Variants in LRRC37B observed in about 807,000 individuals in gnomAD.
LRRC37B encodes leucine rich repeat containing 37B, also known as leucine-rich repeat-containing protein 37B.
In LRRC37B, 28 loss-of-function variants were observed where a neutral mutation model predicts 98.3. The ratio of observed to expected loss-of-function variants is 0.28; its 90% CI spans 0.21 to 0.39. The LOEUF is 0.39. LRRC37B is among the 10% of genes least tolerant of loss of function. The probability of loss-of-function intolerance (pLI) is 1.00; values close to 1 mark genes in which losing one functional copy is unlikely to be tolerated. For synonymous variants in LRRC37B, 364 were observed against 442.7 expected (o/e 0.82, Z 2.23); for missense variants, 938 against 1,182.7 (o/e 0.79, Z 3.03).
At position 32,011,231 on chromosome 17, in the gene LRRC37B, G is replaced by A. The variant is rs553838694; in HGVS notation, c.-191+3099G>A. On this transcript the variant is annotated intron_variant, in intron 1 of 14. Coordinates refer to the LRRC37B transcript ENST00000543378. ...AGTCAGTTCTCGAACCCCTGACCTC[G>A]TGATCCGCCTGCCTCAGCCTCCCAA... is the stretch of plus-strand genomic sequence containing the variant. Among the ~76,000 whole-genome samples the A allele has an allele frequency of 2.6e-5, 4 of 152,180 alleles. No homozygotes were observed. In the South Asian group the frequency reaches 6.2e-4, roughly 24 times the overall value.
intron 7 of LRRC37B, chr17:32,040,265 C>T (rs1005207362): frequency 2.7e-5 from 7 of 259,512 alleles, no homozygotes; most frequent in South Asian, 1.5e-4. Context: ...AACAATCCTG[C>T]GAACAGATCT....
chr17:32,039,790 G>A (rs1001798419), intron 7 of LRRC37B, among the ~76,000 whole-genome samples: 4 of 151,114 alleles, frequency 2.6e-5, no homozygotes, highest in African/African-American at 4.9e-5. Flanking sequence ...ACTCTGCTCC[G>A]TTCATTTTTG....
At chr17:32,009,568 T>G (rs546049970) in intron 1 of LRRC37B, among the ~76,000 whole-genome samples, 2 of 152,240 alleles carry the variant, frequency 1.3e-5, no homozygotes, top group South Asian at 2.1e-4. Flanking sequence ...CCGCCATGCC[T>G]GGCCAAGATA....
At chr17:32,026,346 C>T (rs1019142750) in intron 2 of LRRC37B, among the ~76,000 whole-genome samples, 1 of 152,206 alleles carries the variant, frequency 6.6e-6, no homozygotes, top group Non-Finnish European at 1.5e-5. Context: ...GAAACCCCAT[C>T]TCTACTGAAA....
At chr17:32,033,648 C>A (rs1911168132) in intron 5 of LRRC37B, among the ~76,000 whole-genome samples, 1 of 152,056 alleles carries the variant, frequency 6.6e-6, no homozygotes, top group African/African-American at 2.4e-5. Context: ...TACGTAGCAG[C>A]CTAATAGATG....
At chr17:32,019,364 C>T (rs1226848789), upstream of LRRC37B, among the ~76,000 whole-genome samples, 5 of 152,128 alleles carry the variant, frequency 3.3e-5, no homozygotes, top group East Asian at 1.9e-4. Flanking sequence ...TAGGCTATAC[C>T]GCATAGCCTA....
chr17:32,008,572 A>G (rs1468254166), intron 1 of LRRC37B, among the ~76,000 whole-genome samples: 4 of 152,206 alleles, frequency 2.6e-5, no homozygotes, highest in African/African-American at 4.8e-5. Flanking sequence ...TTTTCATTAT[A>G]TATCTGTTCC....
chr17:32,042,800 G>A (rs548920798), intron 7 of LRRC37B: 7 of 139,162 alleles, frequency 5.0e-5, no homozygotes, highest in East Asian at 2.1e-4. Flanking sequence ...ATGTATGCCC[G>A]AATTTTGTAA....
chr17:32,022,897 T>A (rs1160135019), intron 1 of LRRC37B, 72 bp downstream of exon 4: 157 of 1,472,414 alleles, frequency 1.1e-4, no homozygotes, highest in Admixed American at 2.2e-4. Flanking sequence ...GAGGCCTTCC[T>A]GGGCCTTCTT....
chr17:32,045,052 G>T (rs1392763993), intron 7 of LRRC37B, among the ~76,000 whole-genome samples: 3 of 151,972 alleles, frequency 2.0e-5, no homozygotes, highest in African/African-American at 7.3e-5. Context: ...TGGTTGCAAA[G>T]TGACACTTTT....
In LRRC37B at chr17:32,049,696, G is replaced by A. The variant is rs570457495; in HGVS notation, c.2757+302G>A. On this transcript the variant is annotated intron_variant, in intron 10 of 11. Coordinates refer to ENST00000327564, the Ensembl canonical transcript of LRRC37B. ...AGCTCGGCCAACGTAGTGAAACCCCGTCTTCACAAAAAATACAAAAATTAG... is the reference window on the plus strand; with the variant it reads ...AGCTCGGCCAACGTAGTGAAACCCCATCTTCACAAAAAATACAAAAATTAG... 4.1e-3 allele frequency among the ~76,000 whole-genome samples: 629 copies of A among 152,188 alleles called. 5 individuals carry two copies. Among genetic ancestry groups the A allele is most frequent in the African/African-American group, 0.014 (593 of 41,492 alleles).
chr17:32,023,056 GTTC>G (rs1229335809), intron 1 of LRRC37B, among the ~76,000 whole-genome samples: 2 of 149,838 alleles, frequency 1.3e-5, no homozygotes, highest in African/African-American at 4.9e-5. Context: ...TTTCTTATCC[GTTC>G]TTATTTACCC....
At chr17:32,046,530 A>G (rs2142261458) in intron 8 of LRRC37B, among the ~76,000 whole-genome samples, 1 of 151,772 alleles carries the variant, frequency 6.6e-6, no homozygotes, top group Non-Finnish European at 1.5e-5. Flanking sequence ...TATGGGGTGG[A>G]TAATTAATAA....
Position 32,032,796 on chromosome 17 carries a change from T to TA in LRRC37B, c.2057+1338_2057+1339insA, listed in dbSNP as rs540370547. On this transcript the variant is annotated intron_variant, in intron 5 of 11. Transcript: ENST00000327564. ...CTCATTAGGTCCCTCCACCAAGAGG[T>TA]TTGGGTAGCATCAATACAAATGTCT... 8.9e-4 allele frequency among the ~76,000 whole-genome samples: 135 copies of TA among 151,610 alleles called. 1 individual carries two copies. Among genetic ancestry groups the TA allele is most frequent in the African/African-American group, 3.1e-3 (127 of 41,376 alleles).
At chr17:32,041,422 C>A (rs146798062) in intron 7 of LRRC37B, 4 of 736,886 alleles carry the variant, frequency 5.4e-6, no homozygotes, top group South Asian at 2.7e-5. Flanking sequence ...GACGTCTTCA[C>A]GCTGATCAAC....
At position 32,021,554 on chromosome 17, in the gene LRRC37B, G is replaced by A. The variant is rs150135934; in HGVS notation, c.489G>A (p.Pro163=). 619 of 1,614,070 alleles carry A rather than the reference G, an allele frequency of 3.8e-4. 3 individuals carry two copies. In the African/African-American group the frequency reaches 7.3e-3, roughly 19 times the overall value. Residue 163 remains proline (P), a synonymous_variant, in exon 1 of 12, where the codon CCG becomes CCA. Transcript: ENST00000327564. ...AAGAAAGGCTCCCAGAGGTGGTTCC[G>A]CTTCTCAACCGGGATCAGAACCAGG...
At chr17:32,041,409 G>A in intron 7 of LRRC37B, 1 of 746,128 alleles carries the variant, frequency 1.3e-6, no homozygotes, top group Non-Finnish European at 2.5e-6. Context: ...CTTCCATGAG[G>A]GTGACGTCTT....
At chr17:32,021,197 A>T in exon 1 of LRRC37B, 1 of 1,613,022 alleles carries the variant, frequency 6.2e-7, no homozygotes, top group East Asian at 2.2e-5. Flanking sequence ...CGTGGCAACT[A>T]TTGTCTTTAC....
Position 32,025,733 on chromosome 17 carries a change from A to C in LRRC37B, c.1832+951A>C, listed in dbSNP as rs539372. Among the ~76,000 whole-genome samples the C allele has an allele frequency of 1.2e-3, 184 of 152,234 alleles. 1 individual carries two copies. The highest frequency in any genetic ancestry group is 5.6e-3 in the South Asian group (27 of 4,826). Reference sequence around the variant, plus strand: ...ATTGATGAATGTTGAGCTTATGCTTAGTGGGCAAGTATTCCTGTAGCATAG... The same window carrying C: ...ATTGATGAATGTTGAGCTTATGCTTCGTGGGCAAGTATTCCTGTAGCATAG... On this transcript the variant is annotated intron_variant, in intron 2 of 11. Transcript: ENST00000327564.
Sources: allele counts gnomAD v4.1 joint callset (sites outside exome capture counted in the v4.1 genomes callset), GRCh38; gene constraint gnomAD v4.1.1; transcripts MANE v1.5; gene names NCBI Gene and HGNC (gene_info 2026-07-23, HGNC 2026-07-21).